NCOA6: variants seen among roughly 807,000 people sequenced by gnomAD.
The protein encoded by NCOA6 is NRC RAP250.
NCOA6 carries 49 observed loss-of-function variants against 171.4 expected under a neutral mutation model. That is an observed-to-expected ratio of 0.29 (90% CI 0.23 to 0.36). The LOEUF (loss-of-function observed/expected upper bound fraction) is 0.36. Among genes scored for constraint, NCOA6 ranks in the 10% least tolerant of loss-of-function variants. The probability of loss-of-function intolerance (pLI) is 1.00; values close to 1 mark genes in which losing one functional copy is unlikely to be tolerated. For missense variants in NCOA6, 2,248 were observed against 2,554.5 expected, an observed-to-expected ratio of 0.88 and a Z score of 2.59; for synonymous variants, 910 against 927.5, an observed-to-expected ratio of 0.98 and a Z score of 0.34.
intron 11 of NCOA6, chr20:34,738,965 G>C (rs1217489779): frequency 2.2e-6 from 1 of 455,962 alleles, no homozygotes; most frequent in Admixed American, 2.3e-5. Context: ...TAATTAGCTG[G>C]CCTAGGATAT....
At chr20:34,787,070 A>G (rs1279953583) in intron 2 of NCOA6, among the ~76,000 whole-genome samples, 1 of 151,886 alleles carries the variant, frequency 6.6e-6, no homozygotes, top group Non-Finnish European at 1.5e-5. Context: ...CAATCTACCC[A>G]TCTGACAAAG....
intron 5 of NCOA6, 140 bp from the exon 6 acceptor site, chr20:34,759,073 C>G (rs1288165760): frequency 5.3e-5 from 47 of 882,300 alleles, no homozygotes; most frequent in Non-Finnish European, 7.7e-5. Context: ...CCCAGTCTGC[C>G]AAGTGGCACA....
chr20:34,732,238 TTAA>T (rs2075807249), intron 13 of NCOA6, among the ~76,000 whole-genome samples: 1 of 152,194 alleles, frequency 6.6e-6, no homozygotes, highest in Admixed American at 6.5e-5. Flanking sequence ...AGGACTATTA[TTAA>T]TATTAATATC....
At chr20:34,799,260 A>G (rs2078179034) in intron 1 of NCOA6, among the ~76,000 whole-genome samples, 1 of 152,226 alleles carries the variant, frequency 6.6e-6, no homozygotes, top group South Asian at 2.1e-4. Flanking sequence ...AAAAATGGTG[A>G]GCTTGAAGAC....
At chr20:34,807,810 C>G (rs1459498183) in intron 1 of NCOA6, among the ~76,000 whole-genome samples, 3 of 150,340 alleles carry the variant, frequency 2.0e-5, no homozygotes, top group African/African-American at 7.3e-5. Context: ...CAGGCATGAG[C>G]CACCGTGCCC....
At chr20:34,751,281 A>G (rs929689826) in intron 8 of NCOA6, among the ~76,000 whole-genome samples, 23 of 147,462 alleles carry the variant, frequency 1.6e-4, no homozygotes, top group Admixed American at 3.5e-4. Flanking sequence ...GAGGCAGGAG[A>G]ATGGCGTGAA....
rs548249887 is a variant in NCOA6 at position 34,818,723 on chromosome 20, A to G, written c.-164+6749T>C. 1.8e-4 allele frequency among the ~76,000 whole-genome samples: 28 copies of G among 152,336 alleles called. No homozygotes were observed. The East Asian group carries it at 5.4e-3, about 29-fold the overall frequency. ...CTCTAGTATCCCAGCTCCATAACACATTACAGACATTCCTCAGCATAGAAA... is the reference window on the plus strand; with the variant it reads ...CTCTAGTATCCCAGCTCCATAACACGTTACAGACATTCCTCAGCATAGAAA... On this transcript the variant is annotated intron_variant, in intron 1 of 14. Coordinates refer to ENST00000359003, the MANE Select transcript of NCOA6 (RefSeq NM_014071.5).
intron 10 of NCOA6, among the ~76,000 whole-genome samples, chr20:34,744,513 T>C: frequency 6.6e-6 from 1 of 152,160 alleles, no homozygotes; most frequent in African/African-American, 2.4e-5. Context: ...TAAGAACAAC[T>C]GGCTCTGGCA....
chr20:34,797,442 C>T (rs1026592439), intron 1 of NCOA6, among the ~76,000 whole-genome samples: 4 of 151,998 alleles, frequency 2.6e-5, no homozygotes, highest in Non-Finnish European at 4.4e-5. Flanking sequence ...GATTAAAGAC[C>T]CATGAGGCCC....
intron 14 of NCOA6, among the ~76,000 whole-genome samples, chr20:34,721,322 G>A (rs971419191): frequency 6.7e-6 from 1 of 148,262 alleles, no homozygotes; most frequent in Non-Finnish European, 1.5e-5. Flanking sequence ...GAAGGTGAAC[G>A]AGAACACATC....
chr20:34,779,129 T>A (rs1341947882), intron 3 of NCOA6, among the ~76,000 whole-genome samples: 1 of 152,154 alleles, frequency 6.6e-6, no homozygotes, highest in Non-Finnish European at 1.5e-5. Context: ...AAATACTTTT[T>A]AAAAAAGTTA....
chr20:34,794,149 G>C (rs191933987), intron 1 of NCOA6, among the ~76,000 whole-genome samples: 11 of 152,264 alleles, frequency 7.2e-5, no homozygotes, highest in African/African-American at 2.6e-4. Context: ...AGCTGGGTGT[G>C]CTGGCACACA....
chr20:34,803,977 G>A (rs1016450589), intron 1 of NCOA6, among the ~76,000 whole-genome samples: 4 of 149,752 alleles, frequency 2.7e-5, no homozygotes, highest in African/African-American at 4.9e-5. Context: ...GAGAAACACC[G>A]TTTAAAAAAA....
intron 14 of NCOA6, among the ~76,000 whole-genome samples, chr20:34,724,376 A>T (rs916457674): frequency 3.3e-5 from 5 of 152,184 alleles, no homozygotes; most frequent in African/African-American, 9.7e-5. Context: ...ATTCTTGCCT[A>T]GAGACATAAC....
intron 14 of NCOA6, 38 bp downstream of exon 14, chr20:34,727,221 A>G: frequency 1.9e-6 from 3 of 1,606,440 alleles, no homozygotes; most frequent in Non-Finnish European, 2.6e-6. Flanking sequence ...CTATTCCTCT[A>G]TTTGACCCAC....
intron 3 of NCOA6, chr20:34,776,756 T>TACC: frequency 2.0e-6 from 1 of 492,864 alleles, no homozygotes; most frequent in Non-Finnish European, 4.0e-6. Context: ...TCTAGCATAG[T>TACC]ACCTGGCACA....
chr20:34,766,600 T>C (rs934041291), intron 5 of NCOA6, among the ~76,000 whole-genome samples: 3 of 152,174 alleles, frequency 2.0e-5, no homozygotes, highest in Non-Finnish European at 4.4e-5. Flanking sequence ...TAGAGATACT[T>C]AGTAAACATG....
intron 11 of NCOA6, among the ~76,000 whole-genome samples, chr20:34,737,997 C>G (rs1278721550): frequency 6.6e-6 from 1 of 152,176 alleles, no homozygotes; most frequent in African/African-American, 2.4e-5. Context: ...CTCCTGGGCT[C>G]AAGCAATCCT....
At position 34,750,371 on chromosome 20, in the gene NCOA6, G is replaced by A. The variant is rs1247603476; in HGVS notation, c.1824C>T (p.Asn608=). The A allele has an allele frequency of 5.6e-6, 9 of 1,614,008 alleles. No individual in the cohort carries two copies. Among genetic ancestry groups the A allele is most frequent in the Admixed American group, 1.7e-5 (1 of 60,010 alleles). ...GGCCCTGCTGGGGCTGGCCTTGCAT[G>A]TTGCTGAGGTTCACTTGAGGAACCC... ...TSGVPQVNLS[N]MQGQPQQGPP... The change falls in exon 9 of 15, where the codon AAC becomes AAT. Residue 608 remains asparagine, a synonymous_variant. Coordinates refer to ENST00000359003, the MANE Select transcript of NCOA6 (RefSeq NM_014071.5).
Sources: allele counts gnomAD v4.1 joint callset (sites outside exome capture counted in the v4.1 genomes callset), GRCh38; gene constraint gnomAD v4.1.1; transcripts MANE v1.5; gene names NCBI Gene and HGNC (gene_info 2026-07-23, HGNC 2026-07-21).